The following CSMD1 variants were observed in gnomAD, a reference collection of about 807,000 sequenced individuals.
CSMD1 encodes CUB and sushi domain-containing protein 1.
Under a neutral mutation model 417.5 loss-of-function variants are expected in CSMD1, and 213 were observed. That is an observed-to-expected ratio of 0.51 (90% CI 0.46 to 0.57). The LOEUF (loss-of-function observed/expected upper bound fraction) is 0.57. CSMD1 is among the 20% of genes least tolerant of loss of function. The probability of loss-of-function intolerance (pLI) is 0.00; values close to 1 mark genes in which losing one functional copy is unlikely to be tolerated. For synonymous variants in CSMD1, 2,862 were observed against 1,736.8 expected, an observed-to-expected ratio of 1.65 and a Z score of -16.11; for missense variants, 6,923 against 4,529.7, an observed-to-expected ratio of 1.53 and a Z score of -15.17.
intron 3 of CSMD1, among the ~76,000 whole-genome samples, chr8:4,125,574 C>G (rs1585369535): frequency 6.6e-6 from 1 of 152,196 alleles, no homozygotes; most frequent in Non-Finnish European, 1.5e-5. Flanking sequence ...TCTAAATTAA[C>G]TGAGACTGAA....
intron 1 of CSMD1, among the ~76,000 whole-genome samples, chr8:4,761,836 CATCTATCT>C (rs72078338): frequency 0.017 from 2,046 of 118,948 alleles, 37 homozygotes; most frequent in Middle Eastern, 0.035. Context: ...TAGTACCATG[CATCTATCT>C]ATCTATCTAT....
intron 6 of CSMD1, among the ~76,000 whole-genome samples, chr8:3,741,113 T>C (rs1268005685): frequency 1.3e-5 from 2 of 151,074 alleles, no homozygotes; most frequent in African/African-American, 2.4e-5. Flanking sequence ...TACTTGGAGT[T>C]TGAGGCAAGA....
chr8:3,000,131 G>C lies in CSMD1; in HGVS notation c.8030C>G (p.Ala2677Gly). ...CGGGTCTGGGGAACCGCAGTGGCCAGCTAAAAATGTTAAACCAATTTTAAA... is the reference window on the plus strand; with the variant it reads ...CGGGTCTGGGGAACCGCAGTGGCCACCTAAAAATGTTAAACCAATTTTAAA... The part of the protein sequence containing the change: ...LWSGSETRCL[A>G]GHCGSPDPIV... Residue 2677 changes from alanine (A) to glycine (G), a missense_variant and splice_region_variant, in exon 53 of 70, where the codon GCT (alanine) becomes GGT (glycine). Ala to Gly is a moderately conservative substitution (Grantham distance 60). Transcript: ENST00000635120. 6.5e-7 allele frequency: 1 copy of C among 1,528,994 alleles called. No homozygotes were observed. Among genetic ancestry groups the C allele is most frequent in the Non-Finnish European group, 8.8e-7 (1 of 1,134,242 alleles). 94.7% of individuals were successfully genotyped at this position (1,528,994 alleles called of 1,614,324 possible).
intron 12 of CSMD1, among the ~76,000 whole-genome samples, chr8:3,419,915 A>G (rs1443004251): frequency 1.3e-5 from 2 of 152,180 alleles, no homozygotes; most frequent in African/African-American, 4.8e-5. Context: ...AATCTCAGCA[A>G]CATCAATTAT....
At chr8:3,547,188 G>A (rs1798703669) in intron 10 of CSMD1, among the ~76,000 whole-genome samples, 1 of 152,186 alleles carries the variant, frequency 6.6e-6, no homozygotes, top group African/African-American at 2.4e-5. Flanking sequence ...TCTTACACAA[G>A]AAAACAGGGC....
In CSMD1 at chr8:3,494,554, T is replaced by TGATAGATAGGTAGGCAGATA. The variant is rs1202224581; in HGVS notation, c.1345-829_1345-828insTATCTGCCTACCTATCTATC. On this transcript the variant is annotated intron_variant, in intron 10 of 69. Coordinates refer to ENST00000635120, the MANE Select transcript of CSMD1 (RefSeq NM_033225.6). ...GATTAGCAGATACAGACAGATTAGA[T>TGATAGATAGGTAGGCAGATA]GATAGATAGATAGATAGATAGATAG... 3.6e-3 allele frequency among the ~76,000 whole-genome samples: 523 copies of TGATAGATAGGTAGGCAGATA among 145,732 alleles called. 3 individuals are homozygous for TGATAGATAGGTAGGCAGATA. The highest frequency in any genetic ancestry group is 6.0e-3 in the African/African-American group (232 of 38,892).
intron 25 of CSMD1, among the ~76,000 whole-genome samples, chr8:3,293,646 C>A (rs1010212300): frequency 6.6e-5 from 10 of 152,158 alleles, no homozygotes; most frequent in African/African-American, 1.9e-4. Context: ...GCATTTGTCA[C>A]GTAGTCCTCG....
chr8:4,439,556 T>G (rs748188402), intron 2 of CSMD1, among the ~76,000 whole-genome samples: 6 of 152,152 alleles, frequency 3.9e-5, no homozygotes, highest in Non-Finnish European at 8.8e-5. Flanking sequence ...AGTATGAGTT[T>G]ACTATCTGCT....
At chr8:3,245,774 A>AG (rs1305817279) in intron 26 of CSMD1, among the ~76,000 whole-genome samples, 3 of 152,186 alleles carry the variant, frequency 2.0e-5, no homozygotes, top group African/African-American at 7.2e-5. Context: ...GTGTTGACCA[A>AG]GGGTTGTGTT....
At chr8:4,731,047 G>A (rs758736250) in intron 1 of CSMD1, among the ~76,000 whole-genome samples, 4 of 152,180 alleles carry the variant, frequency 2.6e-5, no homozygotes, top group Non-Finnish European at 5.9e-5. Flanking sequence ...GAAGAGTATG[G>A]AGGGTCTGTG....
chr8:2,964,557 T>C (rs59964110), intron 59 of CSMD1, among the ~76,000 whole-genome samples: 1 of 151,544 alleles, frequency 6.6e-6, no homozygotes, highest in Non-Finnish European at 1.5e-5. Context: ...ACAAACACAA[T>C]GGGTACTAGA....
At chr8:3,732,043 C>T (rs1364291071) in intron 6 of CSMD1, among the ~76,000 whole-genome samples, 1 of 151,478 alleles carries the variant, frequency 6.6e-6, no homozygotes, top group Non-Finnish European at 1.5e-5. Flanking sequence ...ATTTTTTAGA[C>T]AAAAAAAATG....
chr8:3,718,386 T>C (rs1801960384), intron 6 of CSMD1, among the ~76,000 whole-genome samples: 2 of 152,142 alleles, frequency 1.3e-5, no homozygotes, highest in South Asian at 4.1e-4. Flanking sequence ...TCAAATTTTA[T>C]TTCTACCCTT....
At chr8:4,965,907 A>G (rs1004423590) in intron 1 of CSMD1, among the ~76,000 whole-genome samples, 53 of 152,308 alleles carry the variant, frequency 3.5e-4, no homozygotes, top group African/African-American at 1.2e-3. Flanking sequence ...AGATAACTTG[A>G]AGCAGGATGT....
intron 63 of CSMD1, among the ~76,000 whole-genome samples, chr8:2,957,431 A>G (rs1803095449): frequency 6.6e-6 from 1 of 152,128 alleles, no homozygotes; most frequent in Non-Finnish European, 1.5e-5. Context: ...TTGTTAAACT[A>G]AACTGTCCCC....
intron 26 of CSMD1, among the ~76,000 whole-genome samples, chr8:3,233,024 T>C (rs1350787703): frequency 1.3e-5 from 2 of 152,214 alleles, no homozygotes; most frequent in African/African-American, 2.4e-5. Context: ...TTTGACATAG[T>C]TGACTGATGA....
At chr8:3,352,568 G>A (rs117345316) in intron 21 of CSMD1, among the ~76,000 whole-genome samples, 1,858 of 152,230 alleles carry the variant, frequency 0.012, 49 homozygotes, top group East Asian at 0.081. Context: ...GGCTGGGCGC[G>A]GTGGCTCACA....
chr8:4,790,814 C>T (rs1797646797), intron 1 of CSMD1, among the ~76,000 whole-genome samples: 1 of 152,122 alleles, frequency 6.6e-6, no homozygotes, highest in Non-Finnish European at 1.5e-5. Flanking sequence ...CTACCTTTCA[C>T]CATATAAGAA....
At chr8:3,811,314 C>G (rs997611508) in intron 5 of CSMD1, among the ~76,000 whole-genome samples, 2 of 152,164 alleles carry the variant, frequency 1.3e-5, no homozygotes, top group African/African-American at 4.8e-5. Flanking sequence ...CTGCTATAAC[C>G]TTCACACTGT....
Sources: gnomAD v4.1 joint callset for allele counts (sites outside exome capture counted in the v4.1 genomes callset) on GRCh38, gnomAD v4.1.1 for gene constraint, MANE v1.5 for transcripts, NCBI Gene and HGNC (gene_info 2026-07-23, HGNC 2026-07-21) for gene names.